FBXW12: variants seen among roughly 807,000 people sequenced by gnomAD.
FBXW12 encodes the protein F-box/WD repeat-containing protein 12.
A neutral mutation model predicts 55.3 loss-of-function variants in FBXW12; 43 were observed. The ratio of observed to expected loss-of-function variants is 0.78; its 90% CI spans 0.61 to 1.00. The LOEUF is 1.00. Among genes scored for constraint, FBXW12 ranks in the 50% least tolerant of loss-of-function variants. The probability of loss-of-function intolerance (pLI) is 0.00; values close to 1 mark genes in which losing one functional copy is unlikely to be tolerated. For synonymous variants in FBXW12, 184 were observed against 203.8 expected, an observed-to-expected ratio of 0.90 and a Z score of 0.83; for missense variants, 524 against 560.5, an observed-to-expected ratio of 0.93 and a Z score of 0.66.
intron 3 of FBXW12, 92 bp from the exon 4 acceptor site, chr3:48,373,456 G>A: frequency 6.2e-7 from 1 of 1,605,334 alleles, no homozygotes; most frequent in East Asian, 2.2e-5. Context: ...ACACAGGAAA[G>A]TTAGTGTGAG....
At chr3:48,379,714 T>C (rs1056986390) in intron 7 of FBXW12, 156 bp downstream of exon 7, 21 of 644,276 alleles carry the variant, frequency 3.3e-5, no homozygotes, top group African/African-American at 3.1e-4. Flanking sequence ...CAGGAAACAA[T>C]GCTCTTTGAA....
intron 10 of FBXW12, among the ~76,000 whole-genome samples, chr3:48,392,552 C>G (rs1443040724): frequency 6.6e-6 from 1 of 151,282 alleles, no homozygotes; most frequent in African/African-American, 2.4e-5. Flanking sequence ...ATGCCTCCAG[C>G]AAATGTGCTA....
At chr3:48,382,529 C>T (rs566781002) in intron 10 of FBXW12, among the ~76,000 whole-genome samples, 260 of 151,952 alleles carry the variant, frequency 1.7e-3, no homozygotes, top group Middle Eastern at 6.8e-3. Flanking sequence ...ATCGCTAGTT[C>T]TTGAAGTCAT....
intron 10 of FBXW12, among the ~76,000 whole-genome samples, chr3:48,383,322 A>G (rs1015962045): frequency 3.9e-5 from 6 of 151,930 alleles, no homozygotes; most frequent in Admixed American, 3.3e-4. Context: ...CCTCATTGTG[A>G]TATTTATTGT....
intron 1 of FBXW12, 65 bp from the exon 2 acceptor site, chr3:48,372,619 G>A: frequency 1.3e-6 from 2 of 1,548,922 alleles, no homozygotes; most frequent in Non-Finnish European, 1.7e-6. Flanking sequence ...GTCAGCCCGG[G>A]AGTCTGCACA....
Position 48,380,712 on chromosome 3 carries a change from CAG to C in FBXW12, c.788_789del (p.Glu263ValfsTer19). 1 of 1,613,306 alleles carries C rather than the reference CAG, an allele frequency of 6.2e-7. No individual in the cohort carries two copies. Among genetic ancestry groups the C allele is most frequent in the Non-Finnish European group, 8.5e-7 (1 of 1,179,200 alleles). ...CGATGCTCTCTTTAGGTATTCCTCA[CAG>C]AGTCCTTACTGAGACCATCAGAAGG... On this transcript the variant is annotated frameshift_variant, in exon 8 of 11. Coordinates refer to ENST00000296438, the MANE Select transcript of FBXW12 (RefSeq NM_207102.2). LOFTEE classifies it high-confidence loss of function.
rs761827669 is a variant in FBXW12 at position 48,394,619 on chromosome 3, G to A, written c.1355G>A (p.Ser452Asn). The part of the protein sequence containing the change: ...ASIVLRVRKV[S>N]DSSILVMYSL... Reference sequence around the variant, plus strand: ...ATAGTACTTAGGGTGAGGAAAGTAAGTGACTCCAGCATTCTGGTGATGTAT... The same window carrying A: ...ATAGTACTTAGGGTGAGGAAAGTAAATGACTCCAGCATTCTGGTGATGTAT... Residue 452 changes from serine to asparagine, a missense_variant, in exon 11 of 11, where the codon AGT becomes AAT. Ser to Asn is a conservative substitution (Grantham distance 46, BLOSUM62 1). Transcript: ENST00000296438. The A allele has an allele frequency of 3.7e-6, 6 of 1,606,764 alleles. No individual in the cohort carries two copies. Among genetic ancestry groups the A allele is most frequent in the African/African-American group, 2.7e-5 (2 of 74,730 alleles).
At chr3:48,394,397 C>T (rs1407637252) in intron 10 of FBXW12, among the ~76,000 whole-genome samples, 163 bp from the exon 11 acceptor site, 1 of 152,178 alleles carries the variant, frequency 6.6e-6, no homozygotes, top group Non-Finnish European at 1.5e-5. Flanking sequence ...ATCAGTGTAA[C>T]TTTCCCTGAT....
chr3:48,392,940 T>C (rs1025939494), intron 10 of FBXW12, among the ~76,000 whole-genome samples: 1 of 152,060 alleles, frequency 6.6e-6, no homozygotes, highest in Non-Finnish European at 1.5e-5. Context: ...GGGGATGTTT[T>C]CAGCTATTAT....
At chr3:48,388,977 G>T (rs6796491) in intron 10 of FBXW12, among the ~76,000 whole-genome samples, 91,219 of 151,992 alleles carry the variant, frequency 0.6, 27,473 homozygotes, top group African/African-American at 0.68. Flanking sequence ...CTGAAACTTT[G>T]TACCCTTTGA....
chr3:48,386,150 T>C (rs1380061186), intron 10 of FBXW12, among the ~76,000 whole-genome samples: 2 of 152,224 alleles, frequency 1.3e-5, no homozygotes, highest in African/African-American at 4.8e-5. Context: ...TTTAAGTCTT[T>C]AATCCATTTT....
intron 7 of FBXW12, chr3:48,379,773 T>C (rs2036739655): frequency 4.0e-6 from 2 of 499,736 alleles, no homozygotes; most frequent in South Asian, 5.1e-5. Flanking sequence ...AACTCGTTCA[T>C]GAAGCCCGAA....
At position 48,381,768 on chromosome 3, in the gene FBXW12, G is replaced by A. The variant is rs1203656181; in HGVS notation, c.1054G>A (p.Gly352Arg). ...CCCTATCTGGATGGGAGCCAGTGAT[G>A]GATATATGATTGTCTTTACCAGTGG... ...KCPIWMGASD[G>R]YMIVFTSGPY... The change falls in exon 9 of 11, where the codon GGA becomes AGA. Residue 352 changes from glycine (G) to arginine (R), a missense_variant. By Grantham distance (125) the Gly-to-Arg change is moderately radical. Transcript: ENST00000296438. 2 of 1,611,424 alleles carry A rather than the reference G, an allele frequency of 1.2e-6. No homozygotes were observed. Among genetic ancestry groups the A allele is most frequent in the South Asian group, 2.2e-5 (2 of 90,794 alleles).
chr3:48,372,935 G>C, intron 2 of FBXW12, 78 bp downstream of exon 2: 1 of 1,342,744 alleles, frequency 7.4e-7, no homozygotes, highest in Non-Finnish European at 1.1e-6. Context: ...TTGCAGAATA[G>C]CAGAGGGTTA....
intron 10 of FBXW12, among the ~76,000 whole-genome samples, chr3:48,386,845 ACT>A (rs1491208739): frequency 6.6e-6 from 1 of 151,500 alleles, no homozygotes; most frequent in African/African-American, 2.4e-5. Context: ...ATTTTATATT[ACT>A]TTTTTTACAT....
chr3:48,374,309 T>C (rs2036650286), intron 4 of FBXW12, among the ~76,000 whole-genome samples: 1 of 149,104 alleles, frequency 6.7e-6, no homozygotes, highest in African/African-American at 2.5e-5. Flanking sequence ...ACTACAGGGG[T>C]ACACCACCAC....
Position 48,391,106 on chromosome 3 carries a change from C to CA in FBXW12, c.1296-3425dup, listed in dbSNP as rs587685327. On this transcript the variant is annotated intron_variant, in intron 10 of 10. Transcript: ENST00000296438. ...GCAACATACAGAGACCCTGTCTCTA[C>CA]AAAAAAAAAAAAAAAAAAAAAAAAA... 6.2e-3 allele frequency among the ~76,000 whole-genome samples: 513 copies of CA among 82,866 alleles called. 22 individuals are homozygous for CA. Among genetic ancestry groups the CA allele is most frequent in the Non-Finnish European group, 8.7e-3 (359 of 41,192 alleles). The allele number at this position is 82,866 out of a possible 152,430, so 54.4% of individuals were successfully genotyped here.
At chr3:48,391,848 T>A (rs1318932443) in intron 10 of FBXW12, among the ~76,000 whole-genome samples, 2 of 152,232 alleles carry the variant, frequency 1.3e-5, no homozygotes, top group Admixed American at 1.3e-4. Flanking sequence ...TACTTGATCA[T>A]GGTGAATTAG....
chr3:48,379,750 A>C, intron 7 of FBXW12, 192 bp downstream of exon 7: 1 of 552,440 alleles, frequency 1.8e-6, no homozygotes, highest in East Asian at 3.1e-5. Flanking sequence ...TGCTGTGGCA[A>C]ATGTTTAACA....
Sources: allele counts gnomAD v4.1 joint callset (sites outside exome capture counted in the v4.1 genomes callset), GRCh38; gene constraint gnomAD v4.1.1; transcripts MANE v1.5; gene names NCBI Gene and HGNC (gene_info 2026-07-23, HGNC 2026-07-21).